The following FHIT variants were observed in gnomAD, a reference collection of about 807,000 sequenced individuals.
FHIT encodes the protein bis(5'-adenosyl)-triphosphatase.
A neutral mutation model predicts 17.9 loss-of-function variants in FHIT; 19 were observed. The ratio of observed to expected loss-of-function variants is 1.06; its 90% CI spans 0.74 to 1.56. The LOEUF is 1.56. Among genes scored for constraint, FHIT ranks in the 40% most tolerant of loss-of-function variants. The pLI, the probability that FHIT is intolerant of heterozygous loss-of-function variation, is 0.00. For missense variants in FHIT, 248 were observed against 189.2 expected (o/e 1.31, Z -1.82); for synonymous variants, 81 against 69.7 (o/e 1.16, Z -0.81).
Position 60,197,754 on chromosome 3 carries a change from T to C in FHIT, c.104-183602A>G, listed in dbSNP as rs114420454. ...TGGAAATCTGAAAAACCTTTGTACATTTCTCTCCAATGCCCTTAGTTCTGG... is the reference window on the plus strand; with the variant it reads ...TGGAAATCTGAAAAACCTTTGTACACTTCTCTCCAATGCCCTTAGTTCTGG... On this transcript the variant is annotated intron_variant, in intron 5 of 9. Coordinates refer to ENST00000492590, the MANE Select transcript of FHIT (RefSeq NM_002012.4). Among the ~76,000 whole-genome samples, 742 of 152,296 alleles carry C rather than the reference T, an allele frequency of 4.9e-3. 6 individuals carry two copies. Among genetic ancestry groups the C allele is most frequent in the African/African-American group, 0.017 (703 of 41,568 alleles).
At chr3:60,876,596 T>G (rs1251396544) in intron 3 of FHIT, among the ~76,000 whole-genome samples, 2 of 152,214 alleles carry the variant, frequency 1.3e-5, no homozygotes, top group Non-Finnish European at 2.9e-5. Context: ...GATGAATACA[T>G]TTAACAAGTA....
At chr3:60,061,088 A>T (rs1175229680) in intron 5 of FHIT, among the ~76,000 whole-genome samples, 1 of 152,190 alleles carries the variant, frequency 6.6e-6, no homozygotes, top group Non-Finnish European at 1.5e-5. Context: ...CCACAATCCC[A>T]ATGAAACCTG....
intron 3 of FHIT, among the ~76,000 whole-genome samples, chr3:60,992,066 T>C (rs552873118): frequency 4.9e-4 from 75 of 152,250 alleles, no homozygotes; most frequent in Admixed American, 1.8e-3. Flanking sequence ...GGAACATGAA[T>C]CTTGATATCA....
chr3:60,975,154 T>C (rs1332947948), intron 3 of FHIT, among the ~76,000 whole-genome samples: 1 of 152,186 alleles, frequency 6.6e-6, no homozygotes, highest in Admixed American at 6.5e-5. Context: ...GGATCATACA[T>C]TTCTACTCAT....
chr3:60,854,196 C>T (rs1016062298), intron 3 of FHIT, among the ~76,000 whole-genome samples: 2 of 152,082 alleles, frequency 1.3e-5, no homozygotes, highest in South Asian at 4.1e-4. Context: ...GTTCCAACAC[C>T]AGGACATTTC....
Position 59,774,637 on chromosome 3 carries a change from G to T in FHIT, c.349-22316C>A, listed in dbSNP as rs573885513. ...GCTAGCAGTTATCACAAATTGTAAT[G>T]ACACATTTTTGCTTTAACTTTTTTT... On this transcript the variant is annotated intron_variant, in intron 8 of 9. Coordinates refer to ENST00000492590, the MANE Select transcript of FHIT (RefSeq NM_002012.4). 1.2e-4 allele frequency among the ~76,000 whole-genome samples: 18 copies of T among 152,278 alleles called. No individual in the cohort carries two copies. In the South Asian group the frequency reaches 3.7e-3, roughly 32 times the overall value.
intron 3 of FHIT, among the ~76,000 whole-genome samples, chr3:60,955,597 CATATATAT>C (rs201555469): frequency 0.019 from 1,442 of 77,698 alleles, 90 homozygotes; most frequent in Middle Eastern, 0.12. Context: ...CATATATATA[CATATATAT>C]ATATATATAT....
intron 5 of FHIT, among the ~76,000 whole-genome samples, chr3:60,277,726 T>A (rs566300184): frequency 1.2e-3 from 182 of 152,124 alleles, no homozygotes; most frequent in Non-Finnish European, 1.7e-3. Context: ...TCAGGCACCC[T>A]TTTCTCTCTC....
chr3:60,131,443 G>C (rs547630979), intron 5 of FHIT, among the ~76,000 whole-genome samples: 1 of 151,838 alleles, frequency 6.6e-6, no homozygotes, highest in East Asian at 1.9e-4. Flanking sequence ...ACTCATATTC[G>C]CACAGATTCA....
chr3:60,605,375 C>G (rs77271162), intron 4 of FHIT, among the ~76,000 whole-genome samples: 6 of 152,124 alleles, frequency 3.9e-5, no homozygotes, highest in Admixed American at 6.5e-5. Flanking sequence ...GAGTAAAATG[C>G]TTTTAGCTTT....
intron 5 of FHIT, among the ~76,000 whole-genome samples, chr3:60,446,826 C>A (rs2031366405): frequency 6.6e-6 from 1 of 150,506 alleles, no homozygotes; most frequent in African/African-American, 2.4e-5. Flanking sequence ...GCAATCCAGC[C>A]TGGGCAGCAG....
chr3:60,027,136 C>CAAAAA, intron 5 of FHIT, among the ~76,000 whole-genome samples: 1 of 118,632 alleles, frequency 8.4e-6, no homozygotes, highest in Non-Finnish European at 1.7e-5. Flanking sequence ...CACACACACA[C>CAAAAA]ACACACACAC....
chr3:59,869,695 T>A (rs1488377150), intron 8 of FHIT, among the ~76,000 whole-genome samples: 4 of 151,502 alleles, frequency 2.6e-5, no homozygotes, highest in Non-Finnish European at 5.9e-5. Flanking sequence ...TTCATCATGT[T>A]AGCCAGGATG....
chr3:60,751,761 C>T (rs145135944), intron 4 of FHIT, among the ~76,000 whole-genome samples: 238 of 152,024 alleles, frequency 1.6e-3, no homozygotes, highest in African/African-American at 5.4e-3. Flanking sequence ...AAAATTCATT[C>T]GTAGGATTAT....
rs540710292 is a variant in FHIT, at chr3:60,060,550, G to T, written c.104-46398C>A. On this transcript the variant is annotated intron_variant, in intron 5 of 9. Coordinates refer to ENST00000492590, the MANE Select transcript of FHIT (RefSeq NM_002012.4). ...GCATATTAACTGTTCCTGGGAAATG[G>T]TTCTGCAGTTTCTCCTAAAAGTATA... 2.0e-5 allele frequency among the ~76,000 whole-genome samples: 3 copies of T among 152,236 alleles called. No individual in the cohort carries two copies. The East Asian group carries it at 5.8e-4, about 29-fold the overall frequency.
At chr3:60,032,653 C>T (rs1701051178) in intron 5 of FHIT, among the ~76,000 whole-genome samples, 1 of 152,086 alleles carries the variant, frequency 6.6e-6, no homozygotes, top group African/African-American at 2.4e-5. Context: ...AAGAGCAGGA[C>T]ATCCAGACAT....
intron 5 of FHIT, among the ~76,000 whole-genome samples, chr3:60,521,068 T>C (rs1016708734): frequency 6.6e-6 from 1 of 152,112 alleles, no homozygotes. Flanking sequence ...TAATTTAAAC[T>C]TGAGTCTGGG....
chr3:60,809,316 A>G (rs1701498310), intron 4 of FHIT, among the ~76,000 whole-genome samples: 1 of 152,116 alleles, frequency 6.6e-6, no homozygotes, highest in South Asian at 2.1e-4. Context: ...CATTGGCCCT[A>G]GTCATTAGTT....
At chr3:60,375,600 T>A (rs1009893163) in intron 5 of FHIT, among the ~76,000 whole-genome samples, 19 of 152,150 alleles carry the variant, frequency 1.2e-4, no homozygotes, top group African/African-American at 4.3e-4. Flanking sequence ...ATTGAAAGTA[T>A]AAATACTACT....
Sources: allele counts gnomAD v4.1 joint callset (sites outside exome capture counted in the v4.1 genomes callset), GRCh38; gene constraint gnomAD v4.1.1; transcripts MANE v1.5; gene names NCBI Gene and HGNC (gene_info 2026-07-23, HGNC 2026-07-21).